Variants in DHRS7C observed in about 807,000 individuals in gnomAD.
DHRS7C encodes the protein dehydrogenase/reductase 7C.
In DHRS7C, 28 loss-of-function variants were observed where a neutral mutation model predicts 29.6. The observed-to-expected ratio is 0.95, with a 90% CI of 0.70 to 1.30. The LOEUF is 1.30. Ranked by LOEUF, DHRS7C falls within the 50% of genes most tolerant of loss-of-function variation. The pLI, the probability that DHRS7C is intolerant of heterozygous loss-of-function variation, is 0.00. For synonymous variants in DHRS7C, 158 were observed against 160.2 expected, an observed-to-expected ratio of 0.99 and a Z score of 0.10; for missense variants, 403 against 393.3, an observed-to-expected ratio of 1.02 and a Z score of -0.21.
At chr17:9,788,130 A>G (rs11653793) in intron 1 of DHRS7C, among the ~76,000 whole-genome samples, 19,977 of 152,258 alleles carry the variant, frequency 0.13, 1,662 homozygotes, top group Non-Finnish European at 0.2. Flanking sequence ...GGCAGGGCTG[A>G]CATTCAGCTG....
intron 1 of DHRS7C, among the ~76,000 whole-genome samples, chr17:9,784,031 T>C (rs1004136227): frequency 1.3e-5 from 2 of 151,262 alleles, no homozygotes; most frequent in Admixed American, 6.6e-5. Flanking sequence ...CAAAATATAC[T>C]AAGTAGTGAA....
At chr17:9,790,899 A>G (rs2066451159) in intron 1 of DHRS7C, among the ~76,000 whole-genome samples, 1 of 152,232 alleles carries the variant, frequency 6.6e-6, no homozygotes, top group South Asian at 2.1e-4. Flanking sequence ...TTTAGCCCTT[A>G]GGCTGTGAGT....
chr17:9,775,893 G>T lies in DHRS7C; in HGVS notation c.571+1300C>A, dbSNP rs779222297. On this transcript the variant is annotated intron_variant, in intron 4 of 5. Coordinates refer to ENST00000571134, the MANE Select transcript of DHRS7C (RefSeq NM_001105571.3). This position sits in a 1 kb window ranked among gnomAD's most constrained non-coding sequence, Gnocchi z 4.2. ...GCTGCGTCCTACTCTAATCTGACTG[G>T]TGCTATTGTAAGAAGAGGAAATTTG... Among the ~76,000 whole-genome samples, 2 of 152,136 alleles carry T rather than the reference G, an allele frequency of 1.3e-5. No homozygotes were observed. The highest frequency in any genetic ancestry group is 4.8e-5 in the African/African-American group (2 of 41,434).
In DHRS7C at chr17:9,774,655, C is replaced by A. The variant is rs914239486; in HGVS notation, c.572-1733G>T. 1.3e-5 allele frequency among the ~76,000 whole-genome samples: 2 copies of A among 152,150 alleles called. No individual in the cohort carries two copies. Among genetic ancestry groups the A allele is most frequent in the African/African-American group, 4.8e-5 (2 of 41,444 alleles). ...GAGGGACACATGGCAGGCTGCCTTCCCTTTCAAGTCTGTGTGCCAGGTTCT... is the reference window on the plus strand; with the variant it reads ...GAGGGACACATGGCAGGCTGCCTTCACTTTCAAGTCTGTGTGCCAGGTTCT... On this transcript the variant is annotated intron_variant, in intron 4 of 5. Coordinates refer to ENST00000571134, the MANE Select transcript of DHRS7C (RefSeq NM_001105571.3). This position sits in a 1 kb window ranked among gnomAD's most constrained non-coding sequence, Gnocchi z 5.0.
intron 1 of DHRS7C, among the ~76,000 whole-genome samples, chr17:9,790,901 G>C (rs889096478): frequency 1.3e-5 from 2 of 152,198 alleles, no homozygotes; most frequent in African/African-American, 4.8e-5. Flanking sequence ...TAGCCCTTAG[G>C]CTGTGAGTTT....
At position 9,781,527 on chromosome 17, in the gene DHRS7C, T is replaced by A; in HGVS notation, c.222A>T (p.Leu74=). 6.2e-7 allele frequency: 1 copy of A among 1,614,014 alleles called. No individual in the cohort carries two copies. Among genetic ancestry groups the A allele is most frequent in the Non-Finnish European group, 8.5e-7 (1 of 1,179,874 alleles). Residue 74 remains leucine, a synonymous_variant, in exon 2 of 6, where the codon CTA becomes CTT. Transcript: ENST00000571134. Reference sequence around the variant, plus strand: ...TGATCAAGGCATCATATAGGTTCTCTAGCCTCTCCCAGTTCTTTCCACACA... The same window carrying A: ...TGATCAAGGCATCATATAGGTTCTCAAGCCTCTCCCAGTTCTTTCCACACA... ...LVLCGKNWER[L]ENLYDALISV... is the part of the protein sequence containing the mutation.
chr17:9,777,911 A>T (rs1211112227), intron 3 of DHRS7C, among the ~76,000 whole-genome samples: 1 of 152,216 alleles, frequency 6.6e-6, no homozygotes, highest in Non-Finnish European at 1.5e-5. Context: ...AAGAGTTTTT[A>T]AATTCATGTT....
intron 1 of DHRS7C, among the ~76,000 whole-genome samples, chr17:9,788,487 G>A (rs868750711): frequency 6.6e-6 from 1 of 152,214 alleles, no homozygotes; most frequent in Non-Finnish European, 1.5e-5. Context: ...GATTACAGGC[G>A]TGAGCCACCG....
intron 1 of DHRS7C, among the ~76,000 whole-genome samples, chr17:9,790,354 G>C (rs1258853218): frequency 6.6e-6 from 1 of 152,238 alleles, no homozygotes; most frequent in Non-Finnish European, 1.5e-5. Context: ...TGGAAGGATA[G>C]AGTCAGAATC....
intron 2 of DHRS7C, 69 bp from the exon 3 acceptor site, chr17:9,780,104 C>T (rs1458123665): frequency 3.5e-5 from 49 of 1,384,082 alleles, no homozygotes; most frequent in Non-Finnish European, 4.3e-5. Context: ...TGGGAGCCCT[C>T]GATCTAAAAG....
intron 1 of DHRS7C, among the ~76,000 whole-genome samples, 190 bp downstream of exon 1, chr17:9,790,941 T>A (rs1276259661): frequency 6.6e-6 from 1 of 152,214 alleles, no homozygotes; most frequent in Non-Finnish European, 1.5e-5. Flanking sequence ...CACCCTCATT[T>A]ATCAGGAATC....
chr17:9,790,121 G>A (rs894068498), intron 1 of DHRS7C, among the ~76,000 whole-genome samples: 1 of 152,080 alleles, frequency 6.6e-6, no homozygotes, highest in South Asian at 2.1e-4. Flanking sequence ...AAATTCTCAG[G>A]GAGGTTACAA....
intron 1 of DHRS7C, among the ~76,000 whole-genome samples, chr17:9,788,924 G>GT (rs2066439380): frequency 6.6e-6 from 1 of 152,088 alleles, no homozygotes; most frequent in Non-Finnish European, 1.5e-5. Flanking sequence ...ATGAGATATA[G>GT]TAAAAAAAGA....
chr17:9,781,739 C>T, intron 1 of DHRS7C, 145 bp from the exon 2 acceptor site: 1 of 694,278 alleles, frequency 1.4e-6, no homozygotes, highest in South Asian at 2.0e-5. Flanking sequence ...CATTGAACTC[C>T]CTCCCCGGGC....
intron 1 of DHRS7C, among the ~76,000 whole-genome samples, chr17:9,787,887 C>T: frequency 6.6e-6 from 1 of 152,016 alleles, no homozygotes; most frequent in Non-Finnish European, 1.5e-5. Context: ...TTTACATTTT[C>T]TGTAGATATG....
intron 1 of DHRS7C, among the ~76,000 whole-genome samples, chr17:9,789,184 C>T (rs1250379415): frequency 2.6e-5 from 4 of 152,184 alleles, no homozygotes; most frequent in South Asian, 2.1e-4. Context: ...CAAACAGGAT[C>T]GAATCCACAT....
At position 9,791,150 on chromosome 17, in the gene DHRS7C, G is replaced by C. The variant is rs750486149; in HGVS notation, c.135C>G (p.Ala45=). 1.5e-5 allele frequency: 24 copies of C among 1,613,302 alleles called. No homozygotes were observed. The Admixed American group carries it at 1.5e-4, about 10-fold the overall frequency. Residue 45 remains alanine (A), a synonymous_variant, in exon 1 of 6, where the codon GCC becomes GCG. Coordinates refer to ENST00000571134, the MANE Select transcript of DHRS7C (RefSeq NM_001105571.3). ...VQNKVVVITD[A]ISGLGKECAR... is the part of the protein sequence containing the mutation. The stretch of plus-strand genomic sequence containing the variant: ...GCTTACCCTTGCCCAGTCCTGAGAT[G>C]GCATCGGTGATCACCACCACTTTGT...
chr17:9,778,394 C>CAAAA (rs60847065), intron 3 of DHRS7C, among the ~76,000 whole-genome samples: 2 of 82,928 alleles, frequency 2.4e-5, no homozygotes, highest in African/African-American at 4.7e-5. Context: ...GACTCCGTCT[C>CAAAA]AAAAAAAAAA....
rs941555049 is a variant in DHRS7C, at chr17:9,791,482, C to T, written c.-198G>A. Among the ~76,000 whole-genome samples, 1 of 152,238 alleles carries T rather than the reference C, an allele frequency of 6.6e-6. No individual in the cohort carries two copies. Among genetic ancestry groups the T allele is most frequent in the Non-Finnish European group, 1.5e-5 (1 of 68,044 alleles). ...TACTCACAGTGTCTCCGAAAGCAGACCGAATCCAGGGGGCCTGCCCTCCCC... is the reference window on the plus strand; with the variant it reads ...TACTCACAGTGTCTCCGAAAGCAGATCGAATCCAGGGGGCCTGCCCTCCCC... On this transcript the variant is annotated 5_prime_UTR_variant, in exon 1 of 6. Coordinates refer to ENST00000571134, the MANE Select transcript of DHRS7C (RefSeq NM_001105571.3).
Sources: gnomAD v4.1 joint callset for allele counts (sites outside exome capture counted in the v4.1 genomes callset) on GRCh38, gnomAD v4.1.1 for gene constraint, Gnocchi (gnomAD v3.1) non-coding constraint, MANE v1.5 for transcripts, NCBI Gene and HGNC (gene_info 2026-07-23, HGNC 2026-07-21) for gene names.